GADL1: variants seen among roughly 807,000 people sequenced by gnomAD.
The protein encoded by GADL1 is acidic amino acid decarboxylase GADL1.
A neutral mutation model predicts 69.5 loss-of-function variants in GADL1; 71 were observed. The ratio of observed to expected loss-of-function variants is 1.02; its 90% CI spans 0.84 to 1.25. The LOEUF (loss-of-function observed/expected upper bound fraction) is 1.25. GADL1 is among the 50% of genes most tolerant of loss of function. The probability of loss-of-function intolerance (pLI) is 0.00; values close to 1 mark genes in which losing one functional copy is unlikely to be tolerated. For synonymous variants in GADL1, 254 were observed against 214.4 expected (o/e 1.18, Z -1.62); for missense variants, 737 against 631.8 (o/e 1.17, Z -1.79).
In GADL1 at chr3:30,850,005, T is replaced by G. The variant is rs1376921191; in HGVS notation, c.642A>C (p.Thr214=). Residue 214 remains threonine, a synonymous_variant, in exon 6 of 15, where the codon ACA becomes ACC. Transcript: ENST00000282538. ...LSGSPRLILF[T]SAECHYSMKK... ...CAAAAATAATTTTTACCTCTGCAGA[T>G]GTGAAAAGGATTAATCTTGGCGAAC... 3 of 1,573,620 alleles carry G rather than the reference T, an allele frequency of 1.9e-6. No homozygotes were observed. The highest frequency in any genetic ancestry group is 1.1e-5 in the South Asian group (1 of 90,176).
At chr3:30,777,536 T>C (rs993312493) in intron 14 of GADL1, among the ~76,000 whole-genome samples, 2 of 152,136 alleles carry the variant, frequency 1.3e-5, no homozygotes, top group Non-Finnish European at 2.9e-5. Context: ...TGCTTGGAAA[T>C]CTGGATTAGA....
At chr3:30,859,571 A>G (rs946962033) in intron 2 of GADL1, among the ~76,000 whole-genome samples, 1 of 152,022 alleles carries the variant, frequency 6.6e-6, no homozygotes, top group African/African-American at 2.4e-5. Context: ...ATGAAGATAT[A>G]GAACAGTTCC....
chr3:30,785,842 CAT>C (rs1276157425), intron 13 of GADL1, among the ~76,000 whole-genome samples: 1 of 152,176 alleles, frequency 6.6e-6, no homozygotes, highest in Admixed American at 6.5e-5. Context: ...ATTTTCTAAA[CAT>C]GTTTTAGAAA....
At chr3:30,763,162 C>T (rs942905088) in intron 14 of GADL1, among the ~76,000 whole-genome samples, 3 of 152,058 alleles carry the variant, frequency 2.0e-5, no homozygotes, top group African/African-American at 7.2e-5. Flanking sequence ...TATACATACT[C>T]CTCAGCTTAC....
In GADL1 at chr3:30,818,986, C is replaced by T. The variant is rs142027541; in HGVS notation, c.1050+14867G>A. ...AGTCAGTTTTGGATGATCCTCCATA[C>T]CAGCCATTCTGAAGCCTGCAGGAAC... On this transcript the variant is annotated intron_variant, in intron 11 of 14. Transcript: ENST00000282538. 2.9e-3 allele frequency among the ~76,000 whole-genome samples: 437 copies of T among 152,212 alleles called. 1 individual carries two copies. Among genetic ancestry groups the T allele is most frequent in the Non-Finnish European group, 4.5e-3 (309 of 67,992 alleles).
intron 11 of GADL1, among the ~76,000 whole-genome samples, chr3:30,819,624 C>T (rs1228074782): frequency 2.6e-5 from 4 of 151,738 alleles, no homozygotes; most frequent in East Asian, 3.9e-4. Flanking sequence ...AGCATTCTTA[C>T]AGAACAAAAA....
chr3:30,869,547 C>T (rs915062553), intron 1 of GADL1, among the ~76,000 whole-genome samples: 1 of 151,814 alleles, frequency 6.6e-6, no homozygotes, highest in African/African-American at 2.4e-5. Flanking sequence ...TTTCCACATC[C>T]AATCCACAAA....
At chr3:30,770,052 C>T (rs1203833963) in intron 14 of GADL1, among the ~76,000 whole-genome samples, 1 of 134,750 alleles carries the variant, frequency 7.4e-6, no homozygotes, top group African/African-American at 3.0e-5. Flanking sequence ...CCCGGCAACC[C>T]TGGCCTGCAT....
intron 1 of GADL1, 46 bp downstream of exon 1, chr3:30,894,532 A>G: frequency 6.7e-7 from 1 of 1,500,074 alleles, no homozygotes; most frequent in Non-Finnish European, 9.1e-7. Flanking sequence ...TAAAACCCAG[A>G]CAGGGGAGGT....
chr3:30,742,695 G>C (rs1371492342), intron 14 of GADL1, among the ~76,000 whole-genome samples: 2 of 151,948 alleles, frequency 1.3e-5, no homozygotes, highest in African/African-American at 4.8e-5. Context: ...CTGAGTTTAA[G>C]GGGAAGGTAT....
intron 1 of GADL1, among the ~76,000 whole-genome samples, chr3:30,883,558 G>T (rs1698669124): frequency 6.6e-6 from 1 of 151,880 alleles, no homozygotes; most frequent in South Asian, 2.1e-4. Flanking sequence ...GCTTTGTAGT[G>T]TTTTCAAATC....
intron 14 of GADL1, among the ~76,000 whole-genome samples, chr3:30,740,556 G>T (rs1031440429): frequency 6.6e-6 from 1 of 152,026 alleles, no homozygotes; most frequent in African/African-American, 2.4e-5. Flanking sequence ...GAACCTCTAC[G>T]TACGTCCTAA....
chr3:30,847,846 C>A (rs1483769764), intron 6 of GADL1, among the ~76,000 whole-genome samples: 1 of 152,118 alleles, frequency 6.6e-6, no homozygotes, highest in Non-Finnish European at 1.5e-5. Context: ...CTTTTCACTC[C>A]CAATTCATAA....
intron 1 of GADL1, among the ~76,000 whole-genome samples, chr3:30,877,773 G>C (rs1698597886): frequency 6.6e-6 from 1 of 151,730 alleles, no homozygotes; most frequent in Non-Finnish European, 1.5e-5. Flanking sequence ...CTGTTAAAGG[G>C]GCAAAATCTG....
chr3:30,884,298 T>C (rs1698677378), intron 1 of GADL1, among the ~76,000 whole-genome samples: 1 of 152,042 alleles, frequency 6.6e-6, no homozygotes, highest in South Asian at 2.1e-4. Context: ...TCCCATTTCA[T>C]GAGAACTTTG....
At chr3:30,762,434 A>AC (rs1288488100) in intron 14 of GADL1, among the ~76,000 whole-genome samples, 1 of 152,224 alleles carries the variant, frequency 6.6e-6, no homozygotes, top group African/African-American at 2.4e-5. Context: ...ACTTCAACAA[A>AC]CAACTTCAAA....
chr3:30,812,653 T>C (rs1697379950), intron 11 of GADL1, among the ~76,000 whole-genome samples: 1 of 152,192 alleles, frequency 6.6e-6, no homozygotes. Context: ...ACTGTATCAC[T>C]ATGTTACTGT....
At position 30,728,058 on chromosome 3, in the gene GADL1, A is replaced by T. The variant is rs1695395945; in HGVS notation, c.*184T>A. On this transcript the variant is annotated 3_prime_UTR_variant, in exon 15 of 15. Coordinates refer to ENST00000282538, the MANE Select transcript of GADL1 (RefSeq NM_207359.3). ...TAAACTTTCTTCTTTTAGCAACAGT[A>T]ATGCCCAGGCAGCTAGAGAGTCCTT... 4.0e-6 allele frequency: 2 copies of T among 504,658 alleles called. No individual in the cohort carries two copies. The highest frequency in any genetic ancestry group is 8.1e-5 in the South Asian group (2 of 24,748). The allele number at this position is 504,658 out of a possible 1,614,324, so 31.3% of individuals were successfully genotyped here.
intron 11 of GADL1, among the ~76,000 whole-genome samples, chr3:30,814,410 G>A (rs1697420084): frequency 6.6e-6 from 1 of 152,176 alleles, no homozygotes; most frequent in Non-Finnish European, 1.5e-5. Flanking sequence ...ATCCTATATA[G>A]GATAGATAGA....
Sources: allele counts gnomAD v4.1 joint callset (sites outside exome capture counted in the v4.1 genomes callset), GRCh38; gene constraint gnomAD v4.1.1; transcripts MANE v1.5; gene names NCBI Gene and HGNC (gene_info 2026-07-23, HGNC 2026-07-21).